NOL8: variants seen among roughly 807,000 people sequenced by gnomAD.
NOL8 encodes nucleolar protein Nop132.
In NOL8, 93 loss-of-function variants were observed where a neutral mutation model predicts 116.1. The ratio of observed to expected loss-of-function variants is 0.80; its 90% CI spans 0.68 to 0.95. NOL8 has a LOEUF of 0.95. Among genes scored for constraint, NOL8 ranks in the 40% least tolerant of loss-of-function variants. The pLI, the probability that NOL8 is intolerant of heterozygous loss-of-function variation, is 0.00. For synonymous variants in NOL8, 419 were observed against 469.0 expected, an observed-to-expected ratio of 0.89 and a Z score of 1.38; for missense variants, 1,291 against 1,382.8, an observed-to-expected ratio of 0.93 and a Z score of 1.05.
At chr9:92,323,818 G>A (rs889819284) in intron 2 of NOL8, among the ~76,000 whole-genome samples, 11 of 152,158 alleles carry the variant, frequency 7.2e-5, no homozygotes, top group African/African-American at 2.2e-4. Context: ...ATATGTTTCT[G>A]AAATCAGATG....
chr9:92,305,716 A>G, intron 12 of NOL8, 37 bp downstream of exon 12: 1 of 1,358,274 alleles, frequency 7.4e-7, no homozygotes, highest in East Asian at 2.3e-5. Context: ...AGATTAATTT[A>G]CATGATCCTA....
intron 2 of NOL8, among the ~76,000 whole-genome samples, 163 bp from the exon 3 acceptor site, chr9:92,323,666 T>G (rs995428691): frequency 1.3e-5 from 2 of 151,906 alleles, no homozygotes; most frequent in Non-Finnish European, 2.9e-5. Context: ...ATAAGCATAA[T>G]TATCAAAATA....
rs1366240907 is a variant in NOL8, at chr9:92,298,938, C to G, written c.3319G>C (p.Glu1107Gln). ...AAGAAAAATCTAGTGGTCTCTTTCT[C>G]AAGTAATGATGCTTCTCTGAAAAGA... ...NSSPGEASLL[E>Q]KETTRFFFFS... The change falls in exon 15 of 17, where the codon GAG (glutamate) becomes CAG (glutamine). Residue 1107 changes from glutamate to glutamine, a missense_variant. Glu to Gln is a conservative substitution (Grantham distance 29, BLOSUM62 2). Coordinates refer to ENST00000442668, the MANE Select transcript of NOL8 (RefSeq NM_017948.6). 1 of 1,523,398 alleles carries G rather than the reference C, an allele frequency of 6.6e-7. No individual in the cohort carries two copies. The highest frequency in any genetic ancestry group is 2.0e-5 in the Admixed American group (1 of 48,936). 94.4% of individuals were successfully genotyped at this position (1,523,398 alleles called of 1,614,324 possible).
intron 15 of NOL8, 138 bp from the exon 16 acceptor site, chr9:92,298,474 T>G: frequency 1.7e-6 from 1 of 571,598 alleles, no homozygotes; most frequent in Non-Finnish European, 3.0e-6. Flanking sequence ...TTTTCAAAAA[T>G]TAGTATTTTT....
In NOL8 at chr9:92,315,834, G is replaced by A. The variant is rs1298312937; in HGVS notation, c.791C>T (p.Pro264Leu). The change falls in exon 7 of 17, where the codon CCT (proline) becomes CTT (leucine). Residue 264 changes from proline to leucine, a missense_variant. Pro to Leu is a moderately conservative substitution (Grantham distance 98). Transcript: ENST00000442668. ...AACAGGTACAGGAGATGATTTAGAA[G>A]GAGTAATGGAATCACAAGTTCTTTT... is the stretch of plus-strand genomic sequence containing the variant. Reference protein sequence around the residue: ...AQKRTCDSITPSKSSPVPVSD... With the variant: ...AQKRTCDSITLSKSSPVPVSD... 2 of 1,613,826 alleles carry A rather than the reference G, an allele frequency of 1.2e-6. No homozygotes were observed. The highest frequency in any genetic ancestry group is 1.3e-5 in the African/African-American group (1 of 74,914).
rs760009035 is a variant in NOL8 at position 92,315,110 on chromosome 9, A to G, written c.1515T>C (p.Asp505=). 9.3e-6 allele frequency: 15 copies of G among 1,614,006 alleles called. No homozygotes were observed. The highest frequency in any genetic ancestry group is 1.7e-5 in the Admixed American group (1 of 60,018). Residue 505 remains aspartate, a synonymous_variant, in exon 7 of 17, where the codon GAT becomes GAC. Transcript: ENST00000442668. ...AGSDLKVPNE[D]TKSDGPETTT... is the part of the protein sequence containing the mutation. ...TGGTTTCTGGTCCATCACTCTTAGT[A>G]TCTTCATTTGGAACCTTCAGATCAC...
At chr9:92,305,411 G>A (rs1225099859) in intron 12 of NOL8, among the ~76,000 whole-genome samples, 1 of 152,146 alleles carries the variant, frequency 6.6e-6, no homozygotes, top group Admixed American at 6.5e-5. Flanking sequence ...GGACTTCTAG[G>A]TTCCAGAACT....
At chr9:92,320,647 C>G (rs914383790) in intron 4 of NOL8, among the ~76,000 whole-genome samples, 7 of 151,310 alleles carry the variant, frequency 4.6e-5, no homozygotes, top group Non-Finnish European at 8.8e-5. Flanking sequence ...ACTCCTGTTG[C>G]CCAGGCTGGA....
chr9:92,301,714 T>G lies in NOL8; in HGVS notation c.3012A>C (p.Thr1004=). The change falls in exon 13 of 17, where the codon ACA becomes ACC. Residue 1004 remains threonine (T), a synonymous_variant. Coordinates refer to ENST00000442668, the MANE Select transcript of NOL8 (RefSeq NM_017948.6). ...CCTCTTCCTTTTCACTGGTATATTT[T>G]GTAGTTTGGAATATTTCTTTCAGAT... is the stretch of plus-strand genomic sequence containing the variant. The part of the protein sequence containing the change: ...AMDLKEIFQT[T]KYTSEKEEGT... 4.4e-6 allele frequency: 7 copies of G among 1,608,540 alleles called. No homozygotes were observed. The highest frequency in any genetic ancestry group is 4.2e-6 in the Non-Finnish European group (5 of 1,178,348).
chr9:92,297,693 G>A lies in NOL8; in HGVS notation c.*143C>T. 1.6e-6 allele frequency: 1 copy of A among 623,214 alleles called. No homozygotes were observed. Among genetic ancestry groups the A allele is most frequent in the Non-Finnish European group, 2.8e-6 (1 of 358,340 alleles). 38.6% of individuals were successfully genotyped at this position (623,214 alleles called of 1,614,324 possible). A position where few individuals can be genotyped will look rare whatever the true frequency, so the allele number is the denominator to read the frequency against. On this transcript the variant is annotated 3_prime_UTR_variant, in exon 17 of 17. Coordinates refer to ENST00000442668, the MANE Select transcript of NOL8 (RefSeq NM_017948.6). ...CAGAGGAGTTCCACAGAAAAAGATG[G>A]CAACCAGAATGATATTCCGTCAGCC...
At chr9:92,319,989 C>T (rs1839788169) in intron 4 of NOL8, 3 of 442,784 alleles carry the variant, frequency 6.8e-6, no homozygotes, top group Non-Finnish European at 1.4e-5. Flanking sequence ...TATGGAAGAC[C>T]AAGACCATGG....
chr9:92,317,979 G>A (rs1349521783), intron 6 of NOL8, among the ~76,000 whole-genome samples: 2 of 135,362 alleles, frequency 1.5e-5, no homozygotes, highest in Non-Finnish European at 3.0e-5. Flanking sequence ...AGGCTGCAGT[G>A]AGCCAAGATT....
chr9:92,311,298 T>A, intron 7 of NOL8, 39 bp from the exon 8 acceptor site: 1 of 1,499,886 alleles, frequency 6.7e-7, no homozygotes, highest in Non-Finnish European at 9.2e-7. Context: ...TTAAAAAGAT[T>A]TATGATGAAG....
chr9:92,314,405 A>G lies in NOL8; in HGVS notation c.2220T>C (p.Leu740=), dbSNP rs1418685862. 1.2e-6 allele frequency: 2 copies of G among 1,613,500 alleles called. No homozygotes were observed. Among genetic ancestry groups the G allele is most frequent in the African/African-American group, 2.7e-5 (2 of 74,912 alleles). The change falls in exon 7 of 17, where the codon CTT becomes CTC. Residue 740 remains leucine, a synonymous_variant. Coordinates refer to ENST00000442668, the MANE Select transcript of NOL8 (RefSeq NM_017948.6). ...DTREIKTDFS[L]SISNSSDVSA... is the part of the protein sequence containing the mutation. ...TCACATCTGACGAATTACTAATAGA[A>G]AGTGAGAAATCAGTTTTGATTTCCC...
At chr9:92,298,645 AC>A in intron 15 of NOL8, 1 of 482,380 alleles carries the variant, frequency 2.1e-6, no homozygotes. Context: ...TATATGTCTA[AC>A]ATCTAAGGAA....
intron 3 of NOL8, chr9:92,322,870 A>G (rs916551758): frequency 6.5e-6 from 1 of 152,952 alleles, no homozygotes; most frequent in African/African-American, 2.4e-5. Flanking sequence ...TTCCTCTATT[A>G]GCGTGTTCCC....
chr9:92,305,681 C>T lies in NOL8; in HGVS notation c.2903+72G>A, dbSNP rs984415448. 9.0e-6 allele frequency: 10 copies of T among 1,113,210 alleles called. No homozygotes were observed. In the African/African-American group the frequency reaches 1.4e-4, roughly 16 times the overall value. The allele number at this position is 1,113,210 out of a possible 1,614,324, so 69.0% of individuals were successfully genotyped here. On this transcript the variant is annotated intron_variant, in intron 12 of 16. Coordinates refer to ENST00000442668, the MANE Select transcript of NOL8 (RefSeq NM_017948.6). ...CCAATGAGTAGGATATTGGTTCCTA[C>T]CTACATTTTTAATTGTCTGAAATGA... is the stretch of plus-strand genomic sequence containing the variant.
In NOL8 at chr9:92,314,284, T is replaced by C. The variant is rs201644891; in HGVS notation, c.2341A>G (p.Asn781Asp). 4 of 1,581,848 alleles carry C rather than the reference T, an allele frequency of 2.5e-6. No homozygotes were observed. In the Admixed American group the frequency reaches 7.2e-5, roughly 28 times the overall value. The change falls in exon 7 of 17, where the codon AAT (asparagine) becomes GAT (aspartate). Residue 781 changes from asparagine (N) to aspartate (D), a missense_variant. Asn to Asp is a conservative substitution (Grantham distance 23). Transcript: ENST00000442668. The stretch of plus-strand genomic sequence containing the variant: ...ATACTCACCAAATTTGCCAGAGCAT[T>C]ATGCACCAGCTTCTTCTGCACTTCT... ...AKEVQKKLVH[N>D]ALANLDGHPE... is the part of the protein sequence containing the mutation.
At chr9:92,299,072 T>C in intron 14 of NOL8, 118 bp from the exon 15 acceptor site, 2 of 492,036 alleles carry the variant, frequency 4.1e-6, no homozygotes, top group South Asian at 9.2e-5. Context: ...ATATATCTTT[T>C]TTCATTTCCC....
Sources: allele counts gnomAD v4.1 joint callset (sites outside exome capture counted in the v4.1 genomes callset), GRCh38; gene constraint gnomAD v4.1.1; transcripts MANE v1.5; gene names NCBI Gene and HGNC (gene_info 2026-07-23, HGNC 2026-07-21).